LTBP3: variants seen among roughly 807,000 people sequenced by gnomAD.
The protein encoded by LTBP3 is latent-transforming growth factor beta-binding protein 3.
Under a neutral mutation model 159.7 loss-of-function variants are expected in LTBP3, and 97 were observed. That is an observed-to-expected ratio of 0.61 (90% CI 0.52 to 0.72). The LOEUF is 0.72. LTBP3 is among the 30% of genes least tolerant of loss of function. LTBP3 has a pLI of 0.00. For missense variants in LTBP3, 1,584 were observed against 1,864.3 expected (o/e 0.85, Z 2.77); for synonymous variants, 824 against 777.1 (o/e 1.06, Z -1.00).
At chr11:65,542,995 T>G in intron 18 of LTBP3, 110 bp downstream of exon 18, 7 of 1,379,780 alleles carry the variant, frequency 5.1e-6, no homozygotes, top group East Asian at 2.3e-5. Context: ...GATGGATGGA[T>G]GAAGGATGGT....
At position 65,554,114 on chromosome 11, in the gene LTBP3, CCT is replaced by C; in HGVS notation, c.596_597del (p.Glu199GlyfsTer47). 2 of 1,610,806 alleles carry C rather than the reference CCT, an allele frequency of 1.2e-6. No homozygotes were observed. The highest frequency in any genetic ancestry group is 1.7e-6 in the Non-Finnish European group (2 of 1,179,550). The part of the protein sequence containing the change: ...QVIADPPGPG[E>X]GPPAQHAAFL... Reference sequence around the variant, plus strand: ...AAGGCTGCGTGCTGGGCAGGAGGCCCCTCCCCGGGCCCAGGAGGGTCAGCGAT... The same window carrying C: ...AAGGCTGCGTGCTGGGCAGGAGGCCCCCCCGGGCCCAGGAGGGTCAGCGAT... On this transcript the variant is annotated frameshift_variant, in exon 2 of 28. Coordinates refer to ENST00000301873, the MANE Select transcript of LTBP3 (RefSeq NM_001130144.3). LOFTEE classifies it high-confidence loss of function. This position sits in a 1 kb window ranked among gnomAD's most constrained non-coding sequence, Gnocchi z 5.3.
In LTBP3 at chr11:65,552,642, T is replaced by G. The variant is rs1450300168; in HGVS notation, c.1186+218A>C. 6.6e-6 allele frequency among the ~76,000 whole-genome samples: 1 copy of G among 152,202 alleles called. No individual in the cohort carries two copies. The highest frequency in any genetic ancestry group is 2.4e-5 in the African/African-American group (1 of 41,448). On this transcript the variant is annotated intron_variant, in intron 6 of 27. Coordinates refer to ENST00000301873, the MANE Select transcript of LTBP3 (RefSeq NM_001130144.3). This position sits in a 1 kb window ranked among gnomAD's most constrained non-coding sequence, Gnocchi z 6.0. Reference sequence around the variant, plus strand: ...ACCACTCCTACTCATCAAGCCTATGTTCTGCATGACTCTGACTCTATGTAA... The same window carrying G: ...ACCACTCCTACTCATCAAGCCTATGGTCTGCATGACTCTGACTCTATGTAA...
rs1401755847 is a variant in LTBP3 at position 65,553,938 on chromosome 11, C to T, written c.662-35G>A. Reference sequence around the variant, plus strand: ...GGCGCGGTGGCCTCAGGGCTGCCCGCACCGCGCCGCGGGTCACCGCGCTGA... The same window carrying T: ...GGCGCGGTGGCCTCAGGGCTGCCCGTACCGCGCCGCGGGTCACCGCGCTGA... On this transcript the variant is annotated intron_variant, in intron 2 of 27. Coordinates refer to ENST00000301873, the MANE Select transcript of LTBP3 (RefSeq NM_001130144.3). This position sits in a 1 kb window ranked among gnomAD's most constrained non-coding sequence, Gnocchi z 6.5. The T allele has an allele frequency of 6.6e-7, 1 of 1,518,286 alleles. No individual in the cohort carries two copies. Among genetic ancestry groups the T allele is most frequent in the Non-Finnish European group, 8.9e-7 (1 of 1,129,918 alleles). 94.1% of individuals were successfully genotyped at this position (1,518,286 alleles called of 1,614,324 possible).
Position 65,557,457 on chromosome 11 carries a change from C to A in LTBP3, c.331+172G>T, listed in dbSNP as rs576501733. Among the ~76,000 whole-genome samples the A allele has an allele frequency of 1.7e-4, 26 of 152,082 alleles. No homozygotes were observed. In the South Asian group the frequency reaches 5.0e-3, roughly 29 times the overall value. ...CCTCCATGCAGCCCTCCAACTCTGG[C>A]CCCCAGAGTTCCAGCCTCCCAAGTT... On this transcript the variant is annotated intron_variant, in intron 1 of 27. Coordinates refer to ENST00000301873, the MANE Select transcript of LTBP3 (RefSeq NM_001130144.3).
Position 65,547,724 on chromosome 11 carries a change from G to A in LTBP3, c.1944C>T (p.Arg648=), listed in dbSNP as rs1375312567. Residue 648 remains arginine, a synonymous_variant, in exon 13 of 28, where the codon CGC becomes CGT. Coordinates refer to ENST00000301873, the MANE Select transcript of LTBP3 (RefSeq NM_001130144.3). The surrounding 1 kb of genome is among the most constrained non-coding windows in gnomAD (Gnocchi z 4.6). ...AGCGCCCCCCGGCGCCCACGTGCAG[G>A]CGGTAGCCGCGGTTGCAGTGGCAAT... ...SYNCHCNRGY[R]LHVGAGGRSC... is the part of the protein sequence containing the mutation. 1 of 1,605,428 alleles carries A rather than the reference G, an allele frequency of 6.2e-7. No individual in the cohort carries two copies. The highest frequency in any genetic ancestry group is 8.5e-7 in the Non-Finnish European group (1 of 1,177,152).
In LTBP3 at chr11:65,552,542, C is replaced by A; in HGVS notation, c.1187-136G>T. On this transcript the variant is annotated intron_variant, in intron 6 of 27. Transcript: ENST00000301873. The surrounding 1 kb of genome is among the most constrained non-coding windows in gnomAD (Gnocchi z 6.0). ...ATGTGGTCTCTGACCCCATATGACC[C>A]TGAACTCATGTGACCCCTGAAACTT... The A allele has an allele frequency of 8.9e-7, 1 of 1,122,198 alleles. No individual in the cohort carries two copies. The highest frequency in any genetic ancestry group is 2.1e-5 in the Admixed American group (1 of 47,668). The allele number at this position is 1,122,198 out of a possible 1,614,324, so 69.5% of individuals were successfully genotyped here.
intron 8 of LTBP3, 126 bp from the exon 9 acceptor site, chr11:65,551,690 G>C: frequency 8.0e-7 from 1 of 1,253,602 alleles, no homozygotes; most frequent in Middle Eastern, 1.9e-4. Flanking sequence ...CCAGGTCAAG[G>C]GTCAGGGGTT....
At position 65,552,734 on chromosome 11, in the gene LTBP3, C is replaced by T. The variant is rs1565099880; in HGVS notation, c.1186+126G>A. Reference sequence around the variant, plus strand: ...CCCCGGACCCTGCTGATCCCTGATCCTATTGGCTCTGGGCCTTGTTCCTCC... The same window carrying T: ...CCCCGGACCCTGCTGATCCCTGATCTTATTGGCTCTGGGCCTTGTTCCTCC... On this transcript the variant is annotated intron_variant, in intron 6 of 27. Transcript: ENST00000301873. This position sits in a 1 kb window ranked among gnomAD's most constrained non-coding sequence, Gnocchi z 6.0. The T allele has an allele frequency of 2.2e-6, 3 of 1,389,978 alleles. No homozygotes were observed. Among genetic ancestry groups the T allele is most frequent in the Middle Eastern group, 1.8e-4 (1 of 5,658 alleles). 86.1% of individuals were successfully genotyped at this position (1,389,978 alleles called of 1,614,324 possible).
Position 65,541,254 on chromosome 11 carries a change from T to A in LTBP3, c.2765A>T (p.Asn922Ile). Residue 922 changes from asparagine to isoleucine, a missense_variant, in exon 20 of 28, where the codon AAC becomes ATC. By Grantham distance (149) the Asn-to-Ile change is moderately radical (BLOSUM62 -3). This residue lies in a region of LTBP3 where 565 missense variants were observed against 677.7 expected (regional missense o/e 0.83). Transcript: ENST00000301873. ...GTCGCAGAACACTGTGTCATCGAAGTTCAGGTAGCACTCCTTCTTGTGGTG... is the reference window on the plus strand; with the variant it reads ...GTCGCAGAACACTGTGTCATCGAAGATCAGGTAGCACTCCTTCTTGTGGTG... ...QPHHKKECYL[N>I]FDDTVFCDSV... is the part of the protein sequence containing the mutation. 6.2e-7 allele frequency: 1 copy of A among 1,613,350 alleles called. No homozygotes were observed. Among genetic ancestry groups the A allele is most frequent in the South Asian group, 1.1e-5 (1 of 91,070 alleles).
At chr11:65,541,520 G>C (rs547616306) in intron 19 of LTBP3, 80 bp downstream of exon 19, 2 of 1,604,894 alleles carry the variant, frequency 1.2e-6, no homozygotes, top group Non-Finnish European at 1.7e-6. Context: ...TAGGAGGGTG[G>C]GGCCAGGACA....
Position 65,552,297 on chromosome 11 carries a change from G to C in LTBP3, c.1296C>G (p.Val432=). Reference sequence around the variant, plus strand: ...GACACCGCGCGCCCCAGGCCTTGCCGACACTGCAGCAGCAGAGCTGGCGGG... The same window carrying C: ...GACACCGCGCGCCCCAGGCCTTGCCCACACTGCAGCAGCAGAGCTGGCGGG... ...RLTRQLCCCS[V]GKAWGARCQR... The change falls in exon 7 of 28, where the codon GTC becomes GTG. Residue 432 remains valine, a synonymous_variant. Coordinates refer to ENST00000301873, the MANE Select transcript of LTBP3 (RefSeq NM_001130144.3). This position sits in a 1 kb window ranked among gnomAD's most constrained non-coding sequence, Gnocchi z 6.0. The C allele has an allele frequency of 1.2e-6, 2 of 1,614,150 alleles. No individual in the cohort carries two copies. The highest frequency in any genetic ancestry group is 1.7e-6 in the Non-Finnish European group (2 of 1,180,026).
intron 22 of LTBP3, 23 bp downstream of exon 22, chr11:65,540,463 G>A (rs1445997583): frequency 3.7e-6 from 6 of 1,612,632 alleles, no homozygotes; most frequent in African/African-American, 1.3e-5. Flanking sequence ...GCTTCCCCAC[G>A]GCCGCCGGGG....
chr11:65,541,265 C>T lies in LTBP3; in HGVS notation c.2754G>A (p.Glu918=), dbSNP rs762809010. The change falls in exon 20 of 28, where the codon GAG becomes GAA. Residue 918 remains glutamate, a synonymous_variant. Coordinates refer to ENST00000301873, the MANE Select transcript of LTBP3 (RefSeq NM_001130144.3). The stretch of plus-strand genomic sequence containing the variant: ...CTGTGTCATCGAAGTTCAGGTAGCA[C>T]TCCTTCTTGTGGTGGGGCTGCTCCA... ...EEVEQPHHKK[E]CYLNFDDTVF... 45 of 1,612,948 alleles carry T rather than the reference C, an allele frequency of 2.8e-5. No homozygotes were observed. Among genetic ancestry groups the T allele is most frequent in the African/African-American group, 5.3e-5 (4 of 74,894 alleles).
rs1455075789 is a variant in LTBP3 at position 65,547,037 on chromosome 11, C to G, written c.2108-117G>C. 6.9e-7 allele frequency: 1 copy of G among 1,448,802 alleles called. No homozygotes were observed. Among genetic ancestry groups the G allele is most frequent in the Non-Finnish European group, 9.4e-7 (1 of 1,059,854 alleles). 89.7% of individuals were successfully genotyped at this position (1,448,802 alleles called of 1,614,324 possible). ...GATCAACGAGGCTCCCGGACCCCAA[C>G]CTCTGAGAGGCCCAGAGCCGAGCAT... On this transcript the variant is annotated intron_variant, in intron 14 of 27. Transcript: ENST00000301873. The surrounding 1 kb of genome is among the most constrained non-coding windows in gnomAD (Gnocchi z 4.6).
In LTBP3 at chr11:65,547,347, G is replaced by A. The variant is rs1383001996; in HGVS notation, c.2107+92C>T. 13 of 1,329,970 alleles carry A rather than the reference G, an allele frequency of 9.8e-6. No homozygotes were observed. The highest frequency in any genetic ancestry group is 1.3e-5 in the Non-Finnish European group (13 of 975,712). The allele number at this position is 1,329,970 out of a possible 1,614,324, so 82.4% of individuals were successfully genotyped here. On this transcript the variant is annotated intron_variant, in intron 14 of 27. Coordinates refer to ENST00000301873, the MANE Select transcript of LTBP3 (RefSeq NM_001130144.3). This position sits in a 1 kb window ranked among gnomAD's most constrained non-coding sequence, Gnocchi z 4.6. ...CGACAGAGTGAGACTCCGTCTCGGG[G>A]GAAAAAAAAAAAAATGCAGGCACCC...
chr11:65,544,148 C>G (rs1248840031), intron 16 of LTBP3: 1 of 168,030 alleles, frequency 6.0e-6, no homozygotes, highest in South Asian at 1.4e-4. Flanking sequence ...CCTCTGACCT[C>G]ACATTCCTGG....
Position 65,539,063 on chromosome 11 carries a change from G to GGGCGGCGTCGGCGGCGTC in LTBP3, c.3911_*16dup. 7.3e-7 allele frequency: 1 copy of GGGCGGCGTCGGCGGCGTC among 1,364,804 alleles called. No homozygotes were observed. The highest frequency in any genetic ancestry group is 9.4e-7 in the Non-Finnish European group (1 of 1,060,944). 84.5% of individuals were successfully genotyped at this position (1,364,804 alleles called of 1,614,324 possible). On this transcript the variant is annotated 3_prime_UTR_variant, in exon 28 of 28. Transcript: ENST00000301873. ...CAGTGATCACCGAGGTCTGGGCCGA[G>GGGCGGCGTCGGCGGCGTC]GGCGGCGTCGGCGGCGTCAGCGGCG...
chr11:65,555,286 T>C (rs541099057), intron 1 of LTBP3, among the ~76,000 whole-genome samples: 1 of 152,194 alleles, frequency 6.6e-6, no homozygotes, highest in Non-Finnish European at 1.5e-5. Context: ...CAGAACCTTT[T>C]CAGCCCATCC....
chr11:65,551,038 T>C (rs1856590301), intron 11 of LTBP3, 88 bp downstream of exon 11: 1 of 1,098,200 alleles, frequency 9.1e-7, no homozygotes, highest in African/African-American at 1.5e-5. Flanking sequence ...CTATTAGCGC[T>C]AGGGAATGCC....
Sources: allele counts gnomAD v4.1 joint callset (sites outside exome capture counted in the v4.1 genomes callset), GRCh38; gene constraint gnomAD v4.1.1; regional missense constraint gnomAD v4.1.1; non-coding constraint Gnocchi (gnomAD v3.1); transcripts MANE v1.5; gene names NCBI Gene and HGNC (gene_info 2026-07-23, HGNC 2026-07-21).